RASGEF1A: variants seen among roughly 807,000 people sequenced by gnomAD.
RASGEF1A encodes the protein ras-GEF domain-containing family member 1A.
A neutral mutation model predicts 56.4 loss-of-function variants in RASGEF1A; 18 were observed. That is an observed-to-expected ratio of 0.32 (90% CI 0.22 to 0.47). RASGEF1A has a LOEUF of 0.47. RASGEF1A is among the 20% of genes least tolerant of loss of function. The pLI, the probability that RASGEF1A is intolerant of heterozygous loss-of-function variation, is 1.00. For synonymous variants in RASGEF1A, 245 were observed against 242.6 expected, an observed-to-expected ratio of 1.01 and a Z score of -0.09; for missense variants, 422 against 627.1, an observed-to-expected ratio of 0.67 and a Z score of 3.49.
intron 1 of RASGEF1A, among the ~76,000 whole-genome samples, chr10:43,266,219 C>T (rs970921530): frequency 6.6e-6 from 1 of 152,210 alleles, no homozygotes; most frequent in African/African-American, 2.4e-5. Flanking sequence ...GAACCAGCTG[C>T]ACCTGCCCCG....
rs570605046 is a variant in RASGEF1A, at chr10:43,215,680, A to G, written c.-6-9558T>C. Among the ~76,000 whole-genome samples the G allele has an allele frequency of 1.1e-4, 16 of 152,286 alleles. 2 individuals carry two copies. The South Asian group carries it at 3.3e-3, about 32-fold the overall frequency. On this transcript the variant is annotated intron_variant, in intron 1 of 12. Transcript: ENST00000395810. ...CCCATTCATTCATTCACAAGTGGTAATGATCCCTGCCTAGATACTGGAGAT... is the reference window on the plus strand; with the variant it reads ...CCCATTCATTCATTCACAAGTGGTAGTGATCCCTGCCTAGATACTGGAGAT...
intron 1 of RASGEF1A, chr10:43,229,599 GC>G: frequency 6.8e-7 from 1 of 1,462,696 alleles, no homozygotes; most frequent in Non-Finnish European, 9.1e-7. Context: ...CAAGAACCCT[GC>G]CCCGCGGCCT....
rs146765814 is a variant in RASGEF1A, at chr10:43,214,780, C to T, written c.-6-8658G>A. On this transcript the variant is annotated intron_variant, in intron 1 of 12. Transcript: ENST00000395810. Reference sequence around the variant, plus strand: ...CAGGGATTAACCTTCACTTGACTAACCTTGCTTTGCTTTAAGTGTGCATCG... The same window carrying T: ...CAGGGATTAACCTTCACTTGACTAATCTTGCTTTGCTTTAAGTGTGCATCG... 2.5e-3 allele frequency among the ~76,000 whole-genome samples: 375 copies of T among 152,326 alleles called. 2 individuals carry two copies. The highest frequency in any genetic ancestry group is 8.9e-3 in the African/African-American group (369 of 41,564).
chr10:43,206,200 A>AGCGT, intron 1 of RASGEF1A, 78 bp from the exon 2 acceptor site: 1 of 1,238,740 alleles, frequency 8.1e-7, no homozygotes, highest in South Asian at 1.3e-5. Context: ...GGCAGCCTGC[A>AGCGT]GCGTGCATGC....
chr10:43,236,153 A>C (rs538662315), intron 1 of RASGEF1A, among the ~76,000 whole-genome samples: 10 of 152,172 alleles, frequency 6.6e-5, no homozygotes, highest in Non-Finnish European at 1.5e-4. Flanking sequence ...ATCTGCAAAA[A>C]TAATGTTAAA....
chr10:43,229,011 G>T (rs1193410074), intron 1 of RASGEF1A, among the ~76,000 whole-genome samples: 1 of 152,208 alleles, frequency 6.6e-6, no homozygotes, highest in Non-Finnish European at 1.5e-5. Context: ...CGCCTCTGGG[G>T]ATGGGTCTCC....
chr10:43,251,469 C>G (rs1335865521), intron 1 of RASGEF1A, among the ~76,000 whole-genome samples: 1 of 152,164 alleles, frequency 6.6e-6, no homozygotes, highest in Non-Finnish European at 1.5e-5. Context: ...CACACTCACG[C>G]ATGCCCAGGA....
intron 1 of RASGEF1A, among the ~76,000 whole-genome samples, chr10:43,222,330 C>T (rs1228004954): frequency 6.6e-6 from 1 of 152,180 alleles, no homozygotes; most frequent in Non-Finnish European, 1.5e-5. Flanking sequence ...TGCTGATGGA[C>T]TTCTGGACAG....
Position 43,196,887 on chromosome 10 carries a change from C to G in RASGEF1A, c.1348+89G>C. ...GTGTGGCATGGAGCAGCCAGCAGGC[C>G]ATCTCCCAGGGCAACCCCAAAGAGC... On this transcript the variant is annotated intron_variant, in intron 11 of 12. Transcript: ENST00000395810. This position sits in a 1 kb window ranked among gnomAD's most constrained non-coding sequence, Gnocchi z 4.6. 6.6e-7 allele frequency: 1 copy of G among 1,512,674 alleles called. No homozygotes were observed. The highest frequency in any genetic ancestry group is 1.2e-5 in the South Asian group (1 of 81,406). 93.7% of individuals were successfully genotyped at this position (1,512,674 alleles called of 1,614,324 possible).
In RASGEF1A at chr10:43,195,162, T is replaced by C. The variant is rs1331012280; in HGVS notation, c.*1082A>G. ...TGTGCTTTCTGAAGGACAGCTGTCC[T>C]GCGCCATGGTCAGTAGGGCCCAGGG... On this transcript the variant is annotated 3_prime_UTR_variant, in exon 13 of 13. Transcript: ENST00000395810. The surrounding 1 kb of genome is among the most constrained non-coding windows in gnomAD (Gnocchi z 4.2). 1.3e-5 allele frequency: 2 copies of C among 152,228 alleles called. No homozygotes were observed. Among genetic ancestry groups the C allele is most frequent in the African/African-American group, 4.8e-5 (2 of 41,426 alleles). 9.4% of individuals were successfully genotyped at this position (152,228 alleles called of 1,614,324 possible).
chr10:43,206,054 C>G lies in RASGEF1A; in HGVS notation c.63G>C (p.Gln21His). The change falls in exon 2 of 13, where the codon CAG becomes CAC. Residue 21 changes from glutamine to histidine, a missense_variant. By Grantham distance (24) the Gln-to-His change is conservative (BLOSUM62 0). Transcript: ENST00000395810. ...ILGPSCSGQV[Q>H]PGMGERGGGA... ...CGCCTCCACGCTCCCCCATGCCAGG[C>G]TGCACCTGTCCGCTACAGCTGGGCC... 1 of 1,608,646 alleles carries G rather than the reference C, an allele frequency of 6.2e-7. No individual in the cohort carries two copies. The highest frequency in any genetic ancestry group is 1.1e-5 in the South Asian group (1 of 90,140).
chr10:43,207,379 AC>A (rs1840010328), intron 1 of RASGEF1A: 2 of 969,222 alleles, frequency 2.1e-6, no homozygotes, highest in Non-Finnish European at 2.4e-6. Flanking sequence ...ACCTGCCCAC[AC>A]CCCCCACGTC....
intron 1 of RASGEF1A, among the ~76,000 whole-genome samples, chr10:43,216,128 T>C (rs1474982492): frequency 1.3e-5 from 2 of 152,172 alleles, no homozygotes; most frequent in Non-Finnish European, 2.9e-5. Context: ...TGTGCCAGGA[T>C]CAGGGTCCCC....
At chr10:43,204,702 G>A (rs1190794073) in intron 2 of RASGEF1A, among the ~76,000 whole-genome samples, 2 of 152,210 alleles carry the variant, frequency 1.3e-5, no homozygotes, top group Non-Finnish European at 2.9e-5. Flanking sequence ...CTCGGCAGAG[G>A]AGCCAATGCC....
intron 1 of RASGEF1A, among the ~76,000 whole-genome samples, chr10:43,233,060 C>T (rs1456060118): frequency 6.6e-6 from 1 of 152,108 alleles, no homozygotes; most frequent in Non-Finnish European, 1.5e-5. Flanking sequence ...CCCCCCACCC[C>T]GACAGGCCAC....
Position 43,200,849 on chromosome 10 carries a change from G to A in RASGEF1A, c.499C>T (p.Gln167Ter). 6.2e-7 allele frequency: 1 copy of A among 1,614,054 alleles called. No homozygotes were observed. Among genetic ancestry groups the A allele is most frequent in the Non-Finnish European group, 8.5e-7 (1 of 1,180,022 alleles). The change falls in exon 5 of 13, where the codon CAG (glutamine) becomes TAG (stop). Residue 167 changes from glutamine to a stop codon, truncating the protein, a stop_gained. Transcript: ENST00000395810. LOFTEE classifies it high-confidence loss of function. Reference sequence around the variant, plus strand: ...GCAGCCAAGGACAGCAACAGGCTCTGTGTCATCTGGGCAATGGCCTTCTTC... The same window carrying A: ...GCAGCCAAGGACAGCAACAGGCTCTATGTCATCTGGGCAATGGCCTTCTTC... Reference protein sequence around the residue: ...TVKKAIAQMTQSLLLSLAARS... With the variant: ...TVKKAIAQMT
intron 1 of RASGEF1A, among the ~76,000 whole-genome samples, chr10:43,254,930 C>T (rs2133227506): frequency 6.6e-6 from 1 of 152,178 alleles, no homozygotes; most frequent in East Asian, 1.9e-4. Flanking sequence ...CCCCAGGGCC[C>T]ACTGGAGGCC....
At chr10:43,236,902 G>C (rs917840645) in intron 1 of RASGEF1A, among the ~76,000 whole-genome samples, 13 of 152,252 alleles carry the variant, frequency 8.5e-5, no homozygotes, top group South Asian at 4.1e-4. Flanking sequence ...AGGACCATAG[G>C]GGGGTCTCAG....
rs1839947600 is a variant in RASGEF1A, at chr10:43,203,647, C to T, written c.199-227G>A. The T allele has an allele frequency of 4.1e-6, 5 of 1,216,186 alleles. No individual in the cohort carries two copies. In the South Asian group the frequency reaches 8.5e-5, roughly 21 times the overall value. The allele number at this position is 1,216,186 out of a possible 1,614,324, so 75.3% of individuals were successfully genotyped here. Reference sequence around the variant, plus strand: ...CGGCTCGAGCCCCGCCTCCCAGCAGCTCTCCCAGGCCTCCTAGCAGTCTTC... The same window carrying T: ...CGGCTCGAGCCCCGCCTCCCAGCAGTTCTCCCAGGCCTCCTAGCAGTCTTC... On this transcript the variant is annotated intron_variant, in intron 2 of 12. Coordinates refer to ENST00000395810, the MANE Select transcript of RASGEF1A (RefSeq NM_145313.4).
Sources: allele counts gnomAD v4.1 joint callset (sites outside exome capture counted in the v4.1 genomes callset), GRCh38; gene constraint gnomAD v4.1.1; non-coding constraint Gnocchi (gnomAD v3.1); transcripts MANE v1.5; gene names NCBI Gene and HGNC (gene_info 2026-07-23, HGNC 2026-07-21).